The following CCDC171 variants were observed in gnomAD, a reference collection of about 807,000 sequenced individuals.
The protein encoded by CCDC171 is coiled-coil domain containing 171.
Under a neutral mutation model 168.2 loss-of-function variants are expected in CCDC171, and 177 were observed. The ratio of observed to expected loss-of-function variants is 1.05; its 90% confidence interval spans 0.93 to 1.19. CCDC171 has a LOEUF of 1.19. Ranked by LOEUF, CCDC171 falls within the 50% of genes most tolerant of loss-of-function variation. The pLI, the probability that CCDC171 is intolerant of heterozygous loss-of-function variation, is 0.00. For synonymous variants in CCDC171, 687 were observed against 540.8 expected, an observed-to-expected ratio of 1.27 and a Z score of -3.75; for missense variants, 1,991 against 1,539.0, an observed-to-expected ratio of 1.29 and a Z score of -4.91.
At chr9:15,627,295 G>A (rs767249811) in intron 7 of CCDC171, among the ~76,000 whole-genome samples, 5 of 151,282 alleles carry the variant, frequency 3.3e-5, no homozygotes, top group African/African-American at 4.9e-5. Flanking sequence ...TTTTTTCAAG[G>A]GTTTTTTGTG....
At chr9:15,796,017 G>T (rs1039250858) in intron 21 of CCDC171, among the ~76,000 whole-genome samples, 1 of 152,126 alleles carries the variant, frequency 6.6e-6, no homozygotes, top group African/African-American at 2.4e-5. Context: ...TTTGATAATA[G>T]AATTCAATAT....
At chr9:15,943,450 A>C (rs746447486) in intron 25 of CCDC171, among the ~76,000 whole-genome samples, 1 of 152,038 alleles carries the variant, frequency 6.6e-6, no homozygotes, top group Admixed American at 6.6e-5. Context: ...GATATGAAAT[A>C]ATTTAACAAT....
intron 6 of CCDC171, among the ~76,000 whole-genome samples, chr9:15,615,624 T>A (rs1446461585): frequency 6.6e-6 from 1 of 152,182 alleles, no homozygotes; most frequent in Non-Finnish European, 1.5e-5. Flanking sequence ...TCTAACTGAT[T>A]GGCCTTTGAT....
intron 4 of CCDC171, among the ~76,000 whole-genome samples, chr9:15,587,001 C>T (rs553597463): frequency 1.2e-4 from 18 of 152,222 alleles, no homozygotes; most frequent in South Asian, 4.1e-4. Context: ...TTTGTAGAGA[C>T]TAGGTCTTGC....
chr9:15,779,145 C>T lies in CCDC171; in HGVS notation c.3076C>T (p.Gln1026Ter), dbSNP rs202203597. The T allele has an allele frequency of 4.7e-5, 74 of 1,567,762 alleles. No individual in the cohort carries two copies. Among genetic ancestry groups the T allele is most frequent in the Non-Finnish European group, 5.3e-5 (61 of 1,158,500 alleles). ...GCAAATGCAATTAAATGAATTTAAG[C>T]AGTCTGTAAGTATATATCATTTAGG... ...GLQMQLNEFK[Q>*]SKLITHEKFE... Residue 1026 changes from glutamine (Q) to a stop codon, truncating the protein, a stop_gained, in exon 20 of 26, where the codon CAG (glutamine) becomes TAG (stop). Transcript: ENST00000380701. LOFTEE classifies it high-confidence loss of function.
intron 7 of CCDC171, among the ~76,000 whole-genome samples, chr9:15,627,945 G>C (rs1240906175): frequency 3.3e-5 from 5 of 152,098 alleles, no homozygotes; most frequent in Admixed American, 2.0e-4. Flanking sequence ...TTATTGTGTG[G>C]GAGTCTAAGT....
intron 24 of CCDC171, among the ~76,000 whole-genome samples, chr9:15,880,722 C>A (rs756503166): frequency 1.3e-5 from 2 of 151,668 alleles, no homozygotes; most frequent in Admixed American, 6.6e-5. Context: ...GTGATTCACC[C>A]GCCTCAGCCT....
intron 3 of CCDC171, among the ~76,000 whole-genome samples, chr9:16,015,409 C>G (rs2133001859): frequency 6.6e-6 from 1 of 152,216 alleles, no homozygotes; most frequent in South Asian, 2.1e-4. Context: ...ATGCAGACCA[C>G]TAAAATTAAT....
At chr9:15,645,775 TGTAC>T (rs2046987070) in intron 7 of CCDC171, among the ~76,000 whole-genome samples, 2 of 152,136 alleles carry the variant, frequency 1.3e-5, no homozygotes, top group Non-Finnish European at 2.9e-5. Flanking sequence ...GTCTGATTGG[TGTAC>T]CTGAAAGTGA....
chr9:15,666,754 G>A (rs1338705619), intron 9 of CCDC171, among the ~76,000 whole-genome samples: 1 of 152,098 alleles, frequency 6.6e-6, no homozygotes, highest in African/African-American at 2.4e-5. Context: ...GAGCCCGGGA[G>A]TTCAAGGCTG....
chr9:16,084,985 A>G, the CCDC171 span, among the ~76,000 whole-genome samples: 1 of 152,190 alleles, frequency 6.6e-6, no homozygotes, highest in African/African-American at 2.4e-5. Flanking sequence ...CATAACACCT[A>G]AAAATTATGT....
At chr9:15,994,100 A>T (rs2132923262) in intron 3 of CCDC171, among the ~76,000 whole-genome samples, 1 of 152,326 alleles carries the variant, frequency 6.6e-6, no homozygotes, top group African/African-American at 2.4e-5. Context: ...ATATACCGAA[A>T]GGATTATAAA....
chr9:15,646,998 G>C (rs2047095350), intron 7 of CCDC171, among the ~76,000 whole-genome samples: 1 of 152,164 alleles, frequency 6.6e-6, no homozygotes. Context: ...CACATAGTTG[G>C]AAGTAAAGCA....
chr9:15,992,817 C>T, intron 3 of CCDC171, among the ~76,000 whole-genome samples: 1 of 152,052 alleles, frequency 6.6e-6, no homozygotes, highest in East Asian at 1.9e-4. Context: ...AACAGAGAGC[C>T]AAATCATGAG....
intron 20 of CCDC171, among the ~76,000 whole-genome samples, chr9:15,782,949 G>A (rs942237345): frequency 2.6e-5 from 4 of 152,146 alleles, no homozygotes; most frequent in African/African-American, 4.8e-5. Flanking sequence ...TGTGTCTTGT[G>A]ATCATTCTCA....
At chr9:15,809,504 G>A (rs1563778674) in intron 21 of CCDC171, among the ~76,000 whole-genome samples, 6 of 152,052 alleles carry the variant, frequency 3.9e-5, no homozygotes, top group Admixed American at 2.0e-4. Context: ...ATGTTTGGAC[G>A]TGTTTGGAGT....
chr9:15,952,541 G>T (rs925066776), intron 25 of CCDC171, among the ~76,000 whole-genome samples: 18 of 152,064 alleles, frequency 1.2e-4, no homozygotes, highest in African/African-American at 4.1e-4. Flanking sequence ...GGGACTACAG[G>T]CATGCACCAC....
chr9:15,751,031 G>A (rs774504914), intron 18 of CCDC171, among the ~76,000 whole-genome samples: 38 of 152,128 alleles, frequency 2.5e-4, no homozygotes, highest in Admixed American at 5.9e-4. Flanking sequence ...AAACCCCATC[G>A]TCTCAGCCCA....
intron 1 of CCDC171, among the ~76,000 whole-genome samples, chr9:15,553,824 G>A (rs1236353061): frequency 6.6e-6 from 1 of 151,146 alleles, no homozygotes; most frequent in Admixed American, 6.6e-5. Context: ...CAGAAATGGA[G>A]CCGACTTTTT....
Sources: gnomAD v4.1 joint callset for allele counts (sites outside exome capture counted in the v4.1 genomes callset) on GRCh38, gnomAD v4.1.1 for gene constraint, MANE v1.5 for transcripts, NCBI Gene and HGNC (gene_info 2026-07-23, HGNC 2026-07-21) for gene names.